HOMER2: variants seen among roughly 807,000 people sequenced by gnomAD.
HOMER2 encodes homer scaffold protein 2, also known as homer protein homolog 2.
HOMER2 carries 27 observed loss-of-function variants against 47.0 expected under a neutral mutation model. The ratio of observed to expected loss-of-function variants is 0.57; its 90% CI spans 0.42 to 0.79. The LOEUF is 0.79. HOMER2 is among the 30% of genes least tolerant of loss of function. The probability of loss-of-function intolerance (pLI) is 0.00; values close to 1 mark genes in which losing one functional copy is unlikely to be tolerated. For synonymous variants in HOMER2, 161 were observed against 163.8 expected, an observed-to-expected ratio of 0.98 and a Z score of 0.13; for missense variants, 443 against 435.0, an observed-to-expected ratio of 1.02 and a Z score of -0.16.
At chr15:82,955,230 C>T (rs940255545), upstream of HOMER2, among the ~76,000 whole-genome samples, 11 of 143,882 alleles carry the variant, frequency 7.6e-5, no homozygotes, top group South Asian at 8.7e-4. Flanking sequence ...AGTGCAGTGG[C>T]GCAATCTTGG....
chr15:82,871,206 T>G (rs1415978893), intron 3 of HOMER2, among the ~76,000 whole-genome samples: 1 of 152,222 alleles, frequency 6.6e-6, no homozygotes, highest in Non-Finnish European at 1.5e-5. Context: ...TAATAATACT[T>G]TTTGGACTGT....
chr15:82,875,269 T>A lies in HOMER2; in HGVS notation c.294+4A>T, dbSNP rs1261754257. On this transcript the variant is annotated splice_donor_region_variant and intron_variant, in intron 3 of 8. Coordinates refer to ENST00000450735, the MANE Select transcript of HOMER2 (RefSeq NM_004839.4). ...TTACTGCACTGTGGATAGGACCAAGTTACCTTTGTCAGCTGCTGCTCAGAG... is the reference window on the plus strand; with the variant it reads ...TTACTGCACTGTGGATAGGACCAAGATACCTTTGTCAGCTGCTGCTCAGAG... The A allele has an allele frequency of 1.2e-6, 2 of 1,613,058 alleles. No individual in the cohort carries two copies.
intron 1 of HOMER2, among the ~76,000 whole-genome samples, chr15:82,903,403 G>A (rs1318627375): frequency 1.3e-5 from 2 of 151,386 alleles, no homozygotes; most frequent in African/African-American, 2.4e-5. Context: ...ACCTGAGGTC[G>A]GGAGTTTGAG....
intron 1 of HOMER2, among the ~76,000 whole-genome samples, chr15:82,897,916 A>G (rs73446972): frequency 3.0e-4 from 45 of 152,336 alleles, no homozygotes; most frequent in African/African-American, 1.0e-3. Context: ...ACTAAGCTAT[A>G]CCAGACTCCA....
rs148424550 is a variant in HOMER2 at position 82,940,552 on chromosome 15, G to A, written c.5+11979C>T. Among the ~76,000 whole-genome samples, 749 of 152,246 alleles carry A rather than the reference G, an allele frequency of 4.9e-3. 4 individuals are homozygous for A. Among genetic ancestry groups the A allele is most frequent in the African/African-American group, 0.016 (664 of 41,540 alleles). On this transcript the variant is annotated intron_variant, in intron 1 of 8. Coordinates refer to ENST00000450735, the MANE Select transcript of HOMER2 (RefSeq NM_004839.4). ...AGGTCAGGAGATCGAGACCATCCTG[G>A]CTAACACAGTGAAACCCCATCTCTA...
intron 1 of HOMER2, among the ~76,000 whole-genome samples, chr15:82,917,896 C>A (rs975612663): frequency 2.6e-5 from 4 of 152,168 alleles, no homozygotes; most frequent in African/African-American, 7.2e-5. Context: ...GTGAAATCAA[C>A]CTCATCTGGT....
chr15:82,983,443 G>C (rs1439909812), intron 1 of HOMER2, among the ~76,000 whole-genome samples: 2 of 152,056 alleles, frequency 1.3e-5, no homozygotes, highest in African/African-American at 4.8e-5. Context: ...ATTTTCTCTT[G>C]AATATTTCAC....
chr15:82,913,045 G>A lies in HOMER2; in HGVS notation c.6-20204C>T, dbSNP rs961328480. Among the ~76,000 whole-genome samples, 2 of 152,146 alleles carry A rather than the reference G, an allele frequency of 1.3e-5. No homozygotes were observed. The highest frequency in any genetic ancestry group is 2.9e-5 in the Non-Finnish European group (2 of 68,018). On this transcript the variant is annotated intron_variant, in intron 1 of 8. Coordinates refer to ENST00000450735, the MANE Select transcript of HOMER2 (RefSeq NM_004839.4). This position sits in a 1 kb window ranked among gnomAD's most constrained non-coding sequence, Gnocchi z 4.1. ...AAAACACAGAAAACTGGGGTGTAGA[G>A]AGACAAGAGGGAGTCAGGTAACTGT...
chr15:82,905,827 A>G (rs1362454591), intron 1 of HOMER2, among the ~76,000 whole-genome samples: 1 of 152,220 alleles, frequency 6.6e-6, no homozygotes, highest in Non-Finnish European at 1.5e-5. Context: ...TGTTTCAGAA[A>G]GAAGGAAAAT....
intron 1 of HOMER2, among the ~76,000 whole-genome samples, chr15:82,905,213 C>T (rs867947002): frequency 6.6e-6 from 1 of 151,100 alleles, no homozygotes; most frequent in Non-Finnish European, 1.5e-5. Flanking sequence ...CCTTAAACTG[C>T]TTTCGGAAGG....
intron 1 of HOMER2, among the ~76,000 whole-genome samples, chr15:82,927,165 A>G (rs1946216791): frequency 6.6e-6 from 1 of 151,878 alleles, no homozygotes; most frequent in Admixed American, 6.6e-5. Flanking sequence ...AGCCCAGCCC[A>G]TACTCCCAGT....
chr15:82,974,187 C>T (rs1054927105), intron 1 of HOMER2, among the ~76,000 whole-genome samples: 2 of 151,942 alleles, frequency 1.3e-5, no homozygotes, highest in Admixed American at 6.6e-5. Context: ...GGTGGATCAC[C>T]TGAGGTCAGG....
chr15:82,969,348 T>C (rs2029903256), intron 1 of HOMER2, among the ~76,000 whole-genome samples: 1 of 152,210 alleles, frequency 6.6e-6, no homozygotes, highest in Non-Finnish European at 1.5e-5. Context: ...GTCATGAATC[T>C]TGGAAGAAAG....
chr15:82,904,358 T>TG, intron 1 of HOMER2, among the ~76,000 whole-genome samples: 1 of 152,216 alleles, frequency 6.6e-6, no homozygotes, highest in South Asian at 2.1e-4. Context: ...AGACTCAGTG[T>TG]GGGGTAGGTC....
At chr15:82,963,301 G>A (rs1348835791) in intron 1 of HOMER2, among the ~76,000 whole-genome samples, 4 of 151,786 alleles carry the variant, frequency 2.6e-5, no homozygotes, top group Admixed American at 1.3e-4. Context: ...TGTTGCCCAC[G>A]ATGGTCTCAA....
chr15:82,965,160 C>T (rs968360756), intron 1 of HOMER2, among the ~76,000 whole-genome samples: 2 of 152,136 alleles, frequency 1.3e-5, no homozygotes, highest in African/African-American at 4.8e-5. Context: ...GCTGGGACTA[C>T]AGGCACACAC....
chr15:82,906,452 G>A (rs2151137009), intron 1 of HOMER2, among the ~76,000 whole-genome samples: 1 of 145,936 alleles, frequency 6.9e-6, no homozygotes, highest in Admixed American at 6.8e-5. Flanking sequence ...TTTTTTTTGA[G>A]ATGGAGTTTT....
chr15:82,877,438 G>T (rs182373928), intron 2 of HOMER2, among the ~76,000 whole-genome samples: 11 of 152,006 alleles, frequency 7.2e-5, no homozygotes, highest in South Asian at 6.3e-4. Flanking sequence ...CCAAAGTGTG[G>T]GATTACAGTC....
At chr15:82,926,263 G>T (rs1309902316) in intron 1 of HOMER2, 1 of 152,260 alleles carries the variant, frequency 6.6e-6, no homozygotes, top group African/African-American at 2.4e-5. Context: ...GTCTGGTGAG[G>T]GCACACTTTC....
Sources: gnomAD v4.1 joint callset for allele counts (sites outside exome capture counted in the v4.1 genomes callset) on GRCh38, gnomAD v4.1.1 for gene constraint, Gnocchi (gnomAD v3.1) non-coding constraint, MANE v1.5 for transcripts, NCBI Gene and HGNC (gene_info 2026-07-23, HGNC 2026-07-21) for gene names.